The following PDE3B variants were observed in gnomAD, a reference collection of about 807,000 sequenced individuals.
The protein encoded by PDE3B is cGMP-inhibited 3',5'-cyclic phosphodiesterase 3B.
PDE3B carries 66 observed loss-of-function variants against 116.8 expected under a neutral mutation model. That is an observed-to-expected ratio of 0.56 (90% CI 0.46 to 0.69). PDE3B has a LOEUF of 0.69. Ranked by LOEUF, PDE3B falls within the 30% of genes least tolerant of loss-of-function variation. PDE3B has a pLI of 0.00. For missense variants in PDE3B, 1,384 were observed against 1,368.1 expected (o/e 1.01, Z -0.18); for synonymous variants, 595 against 533.6 (o/e 1.12, Z -1.59).
chr11:14,819,739 T>A (rs1413301571), intron 7 of PDE3B, among the ~76,000 whole-genome samples: 2 of 151,990 alleles, frequency 1.3e-5, no homozygotes, highest in Admixed American at 6.6e-5. Context: ...GTGGATGAAT[T>A]ATTTTTTTAA....
chr11:14,677,551 CAG>C (rs895775373), intron 1 of PDE3B, among the ~76,000 whole-genome samples: 7 of 151,808 alleles, frequency 4.6e-5, no homozygotes, highest in African/African-American at 1.7e-4. Flanking sequence ...AAAAAATTAA[CAG>C]AGTAAAATAG....
At chr11:14,830,635 T>C (rs1311811792) in intron 7 of PDE3B, 63 bp from the exon 8 acceptor site, 4 of 648,900 alleles carry the variant, frequency 6.2e-6, no homozygotes, top group Non-Finnish European at 9.8e-6. Context: ...TTATTTTTCA[T>C]GTAAAGCTGT....
At chr11:14,894,452 A>G in the PDE3B span, among the ~76,000 whole-genome samples, 27 of 152,336 alleles carry the variant, frequency 1.8e-4, no homozygotes, top group South Asian at 8.3e-4. Flanking sequence ...GCTGTTATAC[A>G]GTACAGGTAC....
chr11:14,762,353 A>G (rs1299259848), intron 1 of PDE3B, among the ~76,000 whole-genome samples: 1 of 152,190 alleles, frequency 6.6e-6, no homozygotes, highest in African/African-American at 2.4e-5. Context: ...TTTTATCAGT[A>G]CAGCTTTAGA....
At chr11:14,721,576 A>G (rs1312755480) in intron 1 of PDE3B, among the ~76,000 whole-genome samples, 2 of 151,120 alleles carry the variant, frequency 1.3e-5, no homozygotes, top group East Asian at 1.9e-4. Flanking sequence ...CATATACACC[A>G]TGGAATACTA....
intron 1 of PDE3B, among the ~76,000 whole-genome samples, chr11:14,679,709 C>T (rs1242602404): frequency 6.6e-6 from 1 of 151,632 alleles, no homozygotes; most frequent in Non-Finnish European, 1.5e-5. Flanking sequence ...CAGCTCAGGG[C>T]GAACTCACAT....
chr11:14,700,496 T>C (rs1590071576), intron 1 of PDE3B, among the ~76,000 whole-genome samples: 1 of 151,922 alleles, frequency 6.6e-6, no homozygotes, highest in South Asian at 2.1e-4. Flanking sequence ...AAAATTAAAA[T>C]CAAAGTATAA....
rs571546424 is a variant in PDE3B at position 14,867,538 on chromosome 11, C to T, written c.2919C>T (p.Ile973=). The change falls in exon 15 of 16, where the codon ATC becomes ATT. Residue 973 remains isoleucine, a synonymous_variant. Coordinates refer to ENST00000282096, the MANE Select transcript of PDE3B (RefSeq NM_000922.4). The part of the protein sequence containing the change: ...GDEEANLGLP[I]SPFMDRSSPQ... ...AAGAAGCAAATCTTGGTCTGCCCAT[C>T]AGTCCATTCATGGATCGTTCTTCTC... 2.5e-6 allele frequency: 4 copies of T among 1,613,930 alleles called. No individual in the cohort carries two copies. The South Asian group carries it at 3.3e-5, about 13-fold the overall frequency.
At chr11:14,846,780 G>A (rs923610309) in intron 12 of PDE3B, among the ~76,000 whole-genome samples, 2 of 152,098 alleles carry the variant, frequency 1.3e-5, no homozygotes, top group Non-Finnish European at 2.9e-5. Flanking sequence ...AATTCAACAA[G>A]AAGAGCTAAC....
intron 1 of PDE3B, among the ~76,000 whole-genome samples, chr11:14,744,657 T>C (rs181917425): frequency 5.8e-4 from 88 of 152,200 alleles, no homozygotes; most frequent in African/African-American, 2.1e-3. Flanking sequence ...AATTGAGTAG[T>C]AGATTTAGTT....
At chr11:14,737,724 C>G (rs1038794366) in intron 1 of PDE3B, among the ~76,000 whole-genome samples, 1 of 151,404 alleles carries the variant, frequency 6.6e-6, no homozygotes, top group Admixed American at 6.6e-5. Context: ...CCATTAACTC[C>G]TCATTTAGCA....
intron 1 of PDE3B, among the ~76,000 whole-genome samples, chr11:14,722,609 G>A (rs929002883): frequency 6.6e-6 from 1 of 152,144 alleles, no homozygotes; most frequent in East Asian, 1.9e-4. Context: ...TTGGTAAAAA[G>A]TTTTTTGAAG....
chr11:14,672,558 A>G (rs1422484981), intron 1 of PDE3B, among the ~76,000 whole-genome samples: 1 of 152,200 alleles, frequency 6.6e-6, no homozygotes, highest in Non-Finnish European at 1.5e-5. Context: ...AACAAGAGAC[A>G]AATATAGTGG....
At chr11:14,749,328 A>G (rs189147402) in intron 1 of PDE3B, among the ~76,000 whole-genome samples, 4 of 152,300 alleles carry the variant, frequency 2.6e-5, no homozygotes, top group African/African-American at 9.6e-5. Context: ...CCTTAAACAC[A>G]TTAACTAAAT....
intron 1 of PDE3B, among the ~76,000 whole-genome samples, chr11:14,734,685 T>G (rs945775304): frequency 1.3e-5 from 2 of 152,206 alleles, no homozygotes; most frequent in Non-Finnish European, 2.9e-5. Flanking sequence ...AAATGAGTTA[T>G]TATGAAAAAT....
At position 14,833,016 on chromosome 11, in the gene PDE3B, T is replaced by C. The variant is rs576066253; in HGVS notation, c.2206+183T>C. 6.6e-5 allele frequency among the ~76,000 whole-genome samples: 10 copies of C among 152,002 alleles called. No homozygotes were observed. In the East Asian group the frequency reaches 1.9e-3, roughly 29 times the overall value. On this transcript the variant is annotated intron_variant, in intron 10 of 15. Transcript: ENST00000282096. ...TCCAGGCTGGAGTGCAATGGCGCGA[T>C]CTTGGCCCACTGCAACCTCCGCCCC...
chr11:14,843,378 A>AAAG (rs1308508684), intron 11 of PDE3B, among the ~76,000 whole-genome samples: 1 of 152,220 alleles, frequency 6.6e-6, no homozygotes. Flanking sequence ...TGAGATTTGA[A>AAAG]AAGCATCTAT....
intron 4 of PDE3B, among the ~76,000 whole-genome samples, chr11:14,794,271 G>A (rs1437896579): frequency 1.3e-5 from 2 of 151,898 alleles, no homozygotes; most frequent in Non-Finnish European, 2.9e-5. Context: ...CAATTCTGTA[G>A]TAGACATAAG....
At chr11:14,756,424 A>G (rs2071638912) in intron 1 of PDE3B, among the ~76,000 whole-genome samples, 1 of 152,166 alleles carries the variant, frequency 6.6e-6, no homozygotes, top group African/African-American at 2.4e-5. Context: ...GCCCCTCAAG[A>G]GGAGCTGTGG....
Sources: allele counts gnomAD v4.1 joint callset (sites outside exome capture counted in the v4.1 genomes callset), GRCh38; gene constraint gnomAD v4.1.1; transcripts MANE v1.5; gene names NCBI Gene and HGNC (gene_info 2026-07-23, HGNC 2026-07-21).